Variants in IL7 observed in about 807,000 individuals in gnomAD.
IL7 encodes the protein interleukin-7.
Under a neutral mutation model 21.6 loss-of-function variants are expected in IL7, and 3 were observed. That is an observed-to-expected ratio of 0.14 (90% confidence interval 0.06 to 0.36). IL7 has a LOEUF of 0.36. Among genes scored for constraint, IL7 ranks in the 10% least tolerant of loss-of-function variants. The pLI, the probability that IL7 is intolerant of heterozygous loss-of-function variation, is 1.00. For synonymous variants in IL7, 62 were observed against 68.1 expected (o/e 0.91, Z 0.44); for missense variants, 175 against 200.2 (o/e 0.87, Z 0.76).
At chr8:78,802,817 C>T (rs1043000805) in intron 1 of IL7, among the ~76,000 whole-genome samples, 1 of 152,152 alleles carries the variant, frequency 6.6e-6, no homozygotes, top group Admixed American at 6.6e-5. Context: ...CTTTTAGGCA[C>T]TGAACTACAT....
intron 2 of IL7, among the ~76,000 whole-genome samples, chr8:78,788,247 A>G (rs902552142): frequency 1.1e-4 from 17 of 151,880 alleles, no homozygotes; most frequent in African/African-American, 4.1e-4. Context: ...CTTGTTCTCA[A>G]TTTCATCTCT....
At chr8:78,730,741 A>G (rs1811411615), downstream of IL7, among the ~76,000 whole-genome samples, 1 of 152,018 alleles carries the variant, frequency 6.6e-6, no homozygotes, top group Non-Finnish European at 1.5e-5. Flanking sequence ...GACAAAGATC[A>G]TAATTCTTTT....
At chr8:78,723,292 T>C (rs1047595658) in intron 3 of IL7, among the ~76,000 whole-genome samples, 107 of 152,040 alleles carry the variant, frequency 7.0e-4, no homozygotes, top group African/African-American at 2.1e-3. Flanking sequence ...ATTTAGTGAC[T>C]ATTGTGTGAC....
At chr8:78,683,001 C>T (rs1809838238) in intron 4 of IL7, among the ~76,000 whole-genome samples, 1 of 152,236 alleles carries the variant, frequency 6.6e-6, no homozygotes, top group Non-Finnish European at 1.5e-5. Flanking sequence ...CTCCATGTCT[C>T]ACATCCAGGT....
chr8:78,693,945 A>C lies in IL7; in HGVS notation n.215-7998T>G, dbSNP rs189338574. ...GGAAGGGATCCAGTTTCAGCTTTCT[A>C]CATATGGCTAGCCAGTTTTCCCAGC... is the stretch of plus-strand genomic sequence containing the variant. On this transcript the variant is annotated intron_variant and non_coding_transcript_variant, in intron 3 of 4. Transcript: ENST00000523959. Among the ~76,000 whole-genome samples, 243 of 152,254 alleles carry C rather than the reference A, an allele frequency of 1.6e-3. 5 individuals carry two copies. The highest frequency in any genetic ancestry group is 0.014 in the Admixed American group (221 of 15,294).
rs753460514 is a variant in IL7, at chr8:78,686,616, G to A, written n.215-669C>T. On this transcript the variant is annotated intron_variant and non_coding_transcript_variant, in intron 3 of 4. Transcript: ENST00000523959. ...CACCTTCTTATGATCCTGGTATTTG[G>A]AATATTGTTGACAGAAATGTTCATG... The A allele has an allele frequency of 1.1e-5, 16 of 1,467,140 alleles. No individual in the cohort carries two copies. The East Asian group carries it at 3.5e-4, about 32-fold the overall frequency. The allele number at this position is 1,467,140 out of a possible 1,614,324, so 90.9% of individuals were successfully genotyped here.
chr8:78,697,263 C>A, intron 3 of IL7: 1 of 616,016 alleles, frequency 1.6e-6, no homozygotes. Flanking sequence ...TGATGTGCAA[C>A]CATCATCACC....
chr8:78,726,225 T>A (rs894535657), intron 3 of IL7, among the ~76,000 whole-genome samples: 1 of 152,052 alleles, frequency 6.6e-6, no homozygotes, highest in African/African-American at 2.4e-5. Flanking sequence ...TTGTTTACTA[T>A]ACTTGTTTCT....
chr8:78,736,973 G>T (rs992037250), intron 4 of IL7, among the ~76,000 whole-genome samples: 2 of 152,124 alleles, frequency 1.3e-5, no homozygotes, highest in African/African-American at 4.8e-5. Context: ...CCTGGCTCAT[G>T]AAGAAAATTC....
At chr8:78,757,279 T>G (rs1812379077) in intron 2 of IL7, among the ~76,000 whole-genome samples, 1 of 152,052 alleles carries the variant, frequency 6.6e-6, no homozygotes, top group South Asian at 2.1e-4. Flanking sequence ...TTTTAAAAAT[T>G]TTTTGAGACT....
intron 2 of IL7, among the ~76,000 whole-genome samples, chr8:78,779,530 G>T (rs993933214): frequency 2.6e-5 from 4 of 152,138 alleles, no homozygotes; most frequent in Non-Finnish European, 5.9e-5. Context: ...TTTATGTGAT[G>T]AATTACATTT....
intron 3 of IL7, among the ~76,000 whole-genome samples, chr8:78,726,648 A>G (rs903236663): frequency 6.6e-6 from 1 of 152,030 alleles, no homozygotes; most frequent in African/African-American, 2.4e-5. Context: ...CTTAGCACTC[A>G]GTTTTAAAGT....
Position 78,733,822 on chromosome 8 carries a change from T to G in IL7, c.425A>C (p.Lys142Thr). 1 of 1,551,170 alleles carries G rather than the reference T, an allele frequency of 6.4e-7. No individual in the cohort carries two copies. Among genetic ancestry groups the G allele is most frequent in the Non-Finnish European group, 8.7e-7 (1 of 1,146,694 alleles). Reference sequence around the variant, plus strand: ...CAGTTTTTTCTGTTCCTTTAAAGATTTATTTTCTTCCTAGAGAATAGAGTT... The same window carrying G: ...CAGTTTTTTCTGTTCCTTTAAAGATGTATTTTCTTCCTAGAGAATAGAGTT... Reference protein sequence around the residue: ...AQPTKSLEENKSLKEQKKLND... With the variant: ...AQPTKSLEENTSLKEQKKLND... Residue 142 changes from lysine (K) to threonine (T), a missense_variant, in exon 6 of 6, where the codon AAA (lysine) becomes ACA (threonine). Coordinates refer to ENST00000263851, the MANE Select transcript of IL7 (RefSeq NM_000880.4).
At chr8:78,744,933 C>A (rs1485724619) in intron 2 of IL7, among the ~76,000 whole-genome samples, 5 of 152,180 alleles carry the variant, frequency 3.3e-5, no homozygotes, top group Non-Finnish European at 7.4e-5. Flanking sequence ...GGTGTCGTGC[C>A]CAGGTGGGCT....
At chr8:78,720,191 G>T (rs550185752) in intron 5 of IL7, among the ~76,000 whole-genome samples, 1 of 151,758 alleles carries the variant, frequency 6.6e-6, no homozygotes, top group Non-Finnish European at 1.5e-5. Flanking sequence ...TTTTTCCTTA[G>T]GTTAGAGGTG....
chr8:78,740,795 T>A (rs1811754013), intron 2 of IL7, among the ~76,000 whole-genome samples: 1 of 152,232 alleles, frequency 6.6e-6, no homozygotes, highest in South Asian at 2.1e-4. Context: ...AGGTAGAATT[T>A]TCCTGAGACA....
chr8:78,690,598 T>C (rs1036375739), intron 3 of IL7, among the ~76,000 whole-genome samples: 6 of 151,862 alleles, frequency 4.0e-5, no homozygotes, highest in African/African-American at 1.5e-4. Context: ...TTGATTTACA[T>C]TTATATATAC....
chr8:78,735,821 AAG>A (rs796507483), intron 5 of IL7, among the ~76,000 whole-genome samples: 133 of 152,280 alleles, frequency 8.7e-4, no homozygotes, highest in African/African-American at 3.1e-3. Context: ...GGAAATATAA[AAG>A]AAGAATCCAT....
At chr8:78,780,050 GTTGT>G (rs1253826433) in intron 2 of IL7, among the ~76,000 whole-genome samples, 1 of 152,058 alleles carries the variant, frequency 6.6e-6, no homozygotes, top group Non-Finnish European at 1.5e-5. Context: ...TTCTCTGATG[GTTGT>G]TTGTATTTCT....
Sources: allele counts gnomAD v4.1 joint callset (sites outside exome capture counted in the v4.1 genomes callset), GRCh38; gene constraint gnomAD v4.1.1; transcripts MANE v1.5; gene names NCBI Gene and HGNC (gene_info 2026-07-23, HGNC 2026-07-21).